HMGB1: variants seen among roughly 807,000 people sequenced by gnomAD.
The protein encoded by HMGB1 is high mobility group protein B1.
For missense variants in HMGB1, 79 were observed against 253.5 expected (o/e 0.31, Z 4.67); for synonymous variants, 81 against 84.0 (o/e 0.96, Z 0.19).
chr13:30,464,474 C>T (rs1022727753), intron 1 of HMGB1: 3 of 984,922 alleles, frequency 3.0e-6, no homozygotes, highest in Admixed American at 1.2e-4. Flanking sequence ...CGGGGCGAGC[C>T]CCCCGCCCCT....
chr13:30,579,819 A>G (rs1421138967), intron 1 of HMGB1, among the ~76,000 whole-genome samples: 1 of 152,204 alleles, frequency 6.6e-6, no homozygotes, highest in African/African-American at 2.4e-5. Context: ...ATGTGCTTAC[A>G]TTGATAGTTG....
At chr13:30,505,964 A>G (rs1887857105) in intron 1 of HMGB1, among the ~76,000 whole-genome samples, 1 of 151,096 alleles carries the variant, frequency 6.6e-6, no homozygotes, top group Non-Finnish European at 1.5e-5. Context: ...GCGTCTGGTG[A>G]TCAGCCTGCC....
At chr13:30,473,330 G>A (rs1185133191) in intron 1 of HMGB1, among the ~76,000 whole-genome samples, 2 of 152,170 alleles carry the variant, frequency 1.3e-5, no homozygotes, top group African/African-American at 2.4e-5. Flanking sequence ...TGATTTTACT[G>A]GTTAGTAAGG....
Position 30,583,420 on chromosome 13 carries a change from A to C in HMGB1, c.-15+33251T>G, listed in dbSNP as rs1870990906. 2.0e-5 allele frequency among the ~76,000 whole-genome samples: 3 copies of C among 148,900 alleles called. No homozygotes were observed. In the South Asian group the frequency reaches 6.4e-4, roughly 32 times the overall value. On this transcript the variant is annotated intron_variant, in intron 1 of 4. Coordinates refer to the HMGB1 transcript ENST00000405805. ...TGGTGGTGCACCTATAGTCCCAGCT[A>C]CTCGGGCGGCTGAGCTGGGAGGATC...
intron 1 of HMGB1, among the ~76,000 whole-genome samples, chr13:30,507,920 C>T (rs1392931729): frequency 1.3e-5 from 2 of 152,006 alleles, no homozygotes; most frequent in African/African-American, 4.8e-5. Flanking sequence ...TCGCTTGAGC[C>T]CCGGGATTCA....
chr13:30,534,763 G>A (rs911741056), intron 1 of HMGB1, among the ~76,000 whole-genome samples: 7 of 152,010 alleles, frequency 4.6e-5, no homozygotes. Context: ...TTTTAGTAGA[G>A]ATGGGGTTTC....
chr13:30,560,176 C>T (rs1556427), intron 1 of HMGB1, among the ~76,000 whole-genome samples: 96,313 of 151,996 alleles, frequency 0.63, 34,452 homozygotes, highest in Non-Finnish European at 0.8. Flanking sequence ...GAAAAGAGGA[C>T]ACCCCCAAAG....
chr13:30,536,474 A>G (rs1390806311), intron 1 of HMGB1, among the ~76,000 whole-genome samples: 1 of 152,056 alleles, frequency 6.6e-6, no homozygotes, highest in Non-Finnish European at 1.5e-5. Flanking sequence ...TTCAGCCTTG[A>G]GAGTAGCTGG....
At position 30,458,332 on chromosome 13, in the gene HMGB1, T is replaced by TC. The variant is rs1491410210; in HGVS notation, c.*3024_*3025insG. 1 of 624 alleles carries TC rather than the reference T, an allele frequency of 1.6e-3. No individual in the cohort carries two copies. The highest frequency in any genetic ancestry group is 0.045 in the Admixed American group (1 of 22). The allele number at this position is 624 out of a possible 1,614,324, so 0.0% of individuals were successfully genotyped here. A position where few individuals can be genotyped will look rare whatever the true frequency, so the allele number is the denominator to read the frequency against. ...TCAAAAACCAGTTGTCTCTCCTGTG[T>TC]TTTTTTTTTTTTTTTGAGATGGAGT... is the stretch of plus-strand genomic sequence containing the variant. On this transcript the variant is annotated 3_prime_UTR_variant, in exon 5 of 5. Coordinates refer to ENST00000341423, the MANE Select transcript of HMGB1 (RefSeq NM_002128.7).
chr13:30,474,213 G>C (rs985817158), intron 1 of HMGB1, among the ~76,000 whole-genome samples: 2 of 152,158 alleles, frequency 1.3e-5, no homozygotes, highest in African/African-American at 4.8e-5. Context: ...TTTTGATAAA[G>C]CTATTTTTTA....
At chr13:30,610,226 T>C (rs1950501294) in intron 1 of HMGB1, among the ~76,000 whole-genome samples, 1 of 152,124 alleles carries the variant, frequency 6.6e-6, no homozygotes, top group Non-Finnish European at 1.5e-5. Context: ...AGCAGCTACG[T>C]TTTTTGGGCA....
Position 30,459,357 on chromosome 13 carries a change from A to C in HMGB1, c.*2000T>G, listed in dbSNP as rs1482869169. The C allele has an allele frequency of 6.6e-6, 1 of 152,220 alleles. No individual in the cohort carries two copies. The highest frequency in any genetic ancestry group is 1.5e-5 in the Non-Finnish European group (1 of 68,030). The allele number at this position is 152,220 out of a possible 1,614,324, so 9.4% of individuals were successfully genotyped here. A position where few individuals can be genotyped will look rare whatever the true frequency, so the allele number is the denominator to read the frequency against. ...TGTTCCCATTCTCAACATCTTAAAA[A>C]AATGGTAGTTGTCATGACGTACCTA... On this transcript the variant is annotated 3_prime_UTR_variant, in exon 5 of 5. Coordinates refer to ENST00000341423, the MANE Select transcript of HMGB1 (RefSeq NM_002128.7).
intron 1 of HMGB1, among the ~76,000 whole-genome samples, chr13:30,478,845 A>ATTTCTTT (rs1887160171): frequency 6.8e-6 from 1 of 146,752 alleles, no homozygotes; most frequent in Non-Finnish European, 1.5e-5. Context: ...CCAAATCCCA[A>ATTTCTTT]TTTCTTTTTT....
chr13:30,486,367 T>C (rs1370744202), intron 1 of HMGB1, among the ~76,000 whole-genome samples: 1 of 152,214 alleles, frequency 6.6e-6, no homozygotes, highest in African/African-American at 2.4e-5. Context: ...CTAGCCACTC[T>C]AGGAATGCTG....
chr13:30,611,029 C>G (rs1017551555), intron 1 of HMGB1, among the ~76,000 whole-genome samples: 1 of 152,224 alleles, frequency 6.6e-6, no homozygotes, highest in Admixed American at 6.5e-5. Context: ...AATCATTAAA[C>G]TGACCCTCAA....
At chr13:30,503,482 A>C (rs920305148) in intron 1 of HMGB1, among the ~76,000 whole-genome samples, 1 of 152,068 alleles carries the variant, frequency 6.6e-6, no homozygotes, top group Non-Finnish European at 1.5e-5. Context: ...TTATTAAATA[A>C]TAAATCGTTA....
intron 1 of HMGB1, among the ~76,000 whole-genome samples, chr13:30,488,586 C>T (rs532674573): frequency 1.1e-4 from 16 of 151,654 alleles, no homozygotes; most frequent in African/African-American, 2.2e-4. Flanking sequence ...CAGGCTCAAG[C>T]GATCCTCCCA....
rs948974850 is a variant in HMGB1 at position 30,476,602 on chromosome 13, G to A, written c.-14-12908C>T. 1.1e-3 allele frequency among the ~76,000 whole-genome samples: 170 copies of A among 152,130 alleles called. 1 individual carries two copies. Among genetic ancestry groups the A allele is most frequent in the African/African-American group, 3.8e-3 (159 of 41,506 alleles). ...GTTTATGGCTGGTGTGATGGCTCAC[G>A]CTTGTAATCCCAGCATTTTGGGAGG... On this transcript the variant is annotated intron_variant, in intron 1 of 4. Transcript: ENST00000405805.
At chr13:30,586,945 G>C (rs1027267373) in intron 1 of HMGB1, among the ~76,000 whole-genome samples, 1 of 151,952 alleles carries the variant, frequency 6.6e-6, no homozygotes, top group Non-Finnish European at 1.5e-5. Flanking sequence ...ATAAATGTTT[G>C]TTCCCCCAAG....
Sources: allele counts gnomAD v4.1 joint callset (sites outside exome capture counted in the v4.1 genomes callset), GRCh38; gene constraint gnomAD v4.1.1; transcripts MANE v1.5; gene names NCBI Gene and HGNC (gene_info 2026-07-23, HGNC 2026-07-21).